ALPL: variants seen among roughly 807,000 people sequenced by gnomAD.
ALPL encodes alkaline phosphatase, tissue-nonspecific isozyme.
In ALPL, 42 loss-of-function variants were observed where a neutral mutation model predicts 51.3. The ratio of observed to expected loss-of-function variants is 0.82; its 90% CI spans 0.64 to 1.06. The LOEUF (loss-of-function observed/expected upper bound fraction) is 1.06, where lower values mean the gene tolerates loss of function less well. Ranked by LOEUF, ALPL falls within the 50% of genes least tolerant of loss-of-function variation. The pLI is 0.00. For synonymous variants in ALPL, 279 were observed against 296.4 expected (o/e 0.94, Z 0.60); for missense variants, 589 against 709.4 (o/e 0.83, Z 1.93).
chr1:21,565,247 T>C (rs1298167763), intron 6 of ALPL, among the ~76,000 whole-genome samples: 1 of 152,178 alleles, frequency 6.6e-6, no homozygotes. Flanking sequence ...GCATGGTGGA[T>C]TAAGTACCCG....
chr1:21,568,428 C>T (rs1644599492), intron 7 of ALPL, among the ~76,000 whole-genome samples, 181 bp downstream of exon 7: 1 of 152,102 alleles, frequency 6.6e-6, no homozygotes, highest in Non-Finnish European at 1.5e-5. Context: ...TCATTTCCTT[C>T]CCTTGGAGGG....
chr1:21,555,148 G>A (rs867781827), intron 2 of ALPL, among the ~76,000 whole-genome samples: 3 of 151,510 alleles, frequency 2.0e-5, no homozygotes, highest in South Asian at 2.1e-4. Flanking sequence ...GTTCTCTGGC[G>A]GGCAGGAGTG....
intron 7 of ALPL, among the ~76,000 whole-genome samples, chr1:21,569,850 G>A (rs1045329314): frequency 3.3e-5 from 5 of 152,184 alleles, no homozygotes; most frequent in Non-Finnish European, 7.4e-5. Flanking sequence ...CCCCAAAGCA[G>A]AGCTGGGGCT....
At chr1:21,546,864 G>C (rs1000607636) in intron 1 of ALPL, among the ~76,000 whole-genome samples, 1 of 152,366 alleles carries the variant, frequency 6.6e-6, no homozygotes, top group Non-Finnish European at 1.5e-5. Flanking sequence ...TTCTGAGCAT[G>C]GGTGCATCCC....
At chr1:21,550,128 AAAG>A (rs148628957) in intron 1 of ALPL, among the ~76,000 whole-genome samples, 42 of 152,306 alleles carry the variant, frequency 2.8e-4, no homozygotes, top group African/African-American at 1.0e-3. Context: ...GTGTAACTAT[AAAG>A]AACGCAAGAG....
At chr1:21,536,891 CTTTTTTTTTT>C (rs10534586) in intron 1 of ALPL, among the ~76,000 whole-genome samples, 2 of 79,364 alleles carry the variant, frequency 2.5e-5, no homozygotes, top group Non-Finnish European at 4.6e-5. Flanking sequence ...GGTTCCTTCC[CTTTTTTTTTT>C]TTTTTTTTTT....
At chr1:21,553,180 C>T (rs1355988395) in intron 1 of ALPL, among the ~76,000 whole-genome samples, 2 of 151,064 alleles carry the variant, frequency 1.3e-5, no homozygotes, top group Non-Finnish European at 2.9e-5. Flanking sequence ...TCTTCAATTA[C>T]ATCCGACTTT....
At chr1:21,532,888 A>G (rs1164214492) in intron 1 of ALPL, among the ~76,000 whole-genome samples, 5 of 152,152 alleles carry the variant, frequency 3.3e-5, no homozygotes, top group Non-Finnish European at 5.9e-5. Flanking sequence ...TGATTCTTCA[A>G]CTAATTGGCT....
rs368809478 is a variant in ALPL at position 21,575,838 on chromosome 1, C to T, written c.1103C>T (p.Ser368Leu). The change falls in exon 10 of 12, where the codon TCG becomes TTG. Residue 368 changes from serine to leucine, a missense_variant. Ser to Leu is a moderately radical substitution (Grantham distance 145). Transcript: ENST00000374840. ...GGGCAGGCAGGCAGCTTGACCTCCT[C>T]GGAAGACACTCTGACCGTGGTCACT... ...AIGQAGSLTS[S>L]EDTLTVVTAD... is the part of the protein sequence containing the mutation. The T allele has an allele frequency of 5.9e-5, 95 of 1,614,120 alleles. No individual in the cohort carries two copies. Among genetic ancestry groups the T allele is most frequent in the Non-Finnish European group, 7.6e-5 (90 of 1,180,052 alleles).
chr1:21,567,953 G>C lies in ALPL; in HGVS notation c.649-151G>C, dbSNP rs1362984338. On this transcript the variant is annotated intron_variant, in intron 6 of 11. Transcript: ENST00000374840. ...TCATCTCCCCACGCTGGACAAGTAA[G>C]GCCCAGAGATGACTGAGGCCTGGCT... is the stretch of plus-strand genomic sequence containing the variant. 6.1e-6 allele frequency: 6 copies of C among 984,248 alleles called. No individual in the cohort carries two copies. In the East Asian group the frequency reaches 1.5e-4, roughly 24 times the overall value. 61.0% of individuals were successfully genotyped at this position (984,248 alleles called of 1,614,324 possible). A position where few individuals can be genotyped will look rare whatever the true frequency, so the allele number is the denominator to read the frequency against.
intron 6 of ALPL, among the ~76,000 whole-genome samples, chr1:21,567,097 A>G (rs1441706821): frequency 2.8e-4 from 43 of 152,120 alleles, no homozygotes. Context: ...TGTGCATTCC[A>G]CAAAACCTAG....
intron 1 of ALPL, among the ~76,000 whole-genome samples, chr1:21,511,490 C>T (rs2148048745): frequency 6.6e-6 from 1 of 152,346 alleles, no homozygotes; most frequent in South Asian, 2.1e-4. Flanking sequence ...CAGCTCTCTT[C>T]TCAGCAGAAA....
chr1:21,541,962 C>T (rs185310966), intron 1 of ALPL, among the ~76,000 whole-genome samples: 2 of 152,338 alleles, frequency 1.3e-5, no homozygotes, highest in East Asian at 1.9e-4. Context: ...CACTGGCCCA[C>T]TGCCCTCTAG....
At position 21,578,055 on chromosome 1, in the gene ALPL, A is replaced by G; in HGVS notation, c.*407A>G. On this transcript the variant is annotated 3_prime_UTR_variant, in exon 12 of 12. Coordinates refer to ENST00000374840, the MANE Select transcript of ALPL (RefSeq NM_000478.6). The surrounding 1 kb of genome is among the most constrained non-coding windows in gnomAD (Gnocchi z 4.2). ...CTGACCCTCCCACTCCCATCTCCTT[A>G]CCTCTGGAACCCCCCAGGCCCTACA... 1 of 240,210 alleles carries G rather than the reference A, an allele frequency of 4.2e-6. No individual in the cohort carries two copies. 14.9% of individuals were successfully genotyped at this position (240,210 alleles called of 1,614,324 possible).
intron 1 of ALPL, among the ~76,000 whole-genome samples, chr1:21,546,777 T>G (rs918752740): frequency 6.6e-6 from 1 of 152,228 alleles, no homozygotes; most frequent in African/African-American, 2.4e-5. Context: ...TCTGTTTCTC[T>G]GCAAATGGGG....
intron 1 of ALPL, among the ~76,000 whole-genome samples, chr1:21,528,082 A>ACGTG (rs1379317100): frequency 6.9e-5 from 10 of 145,442 alleles, no homozygotes; most frequent in Non-Finnish European, 1.2e-4. Flanking sequence ...GTGTAGTGGC[A>ACGTG]CGATCACTGC....
In ALPL at chr1:21,564,310, C is replaced by A; in HGVS notation, c.648+94C>A. On this transcript the variant is annotated intron_variant, in intron 6 of 11. Transcript: ENST00000374840. This position sits in a 1 kb window ranked among gnomAD's most constrained non-coding sequence, Gnocchi z 5.8. ...GCCCAGGCTGGCCCGGAGAAAGCAG[C>A]CTGGCCTGGCTCCCCACACACCTGG... 1 of 1,495,554 alleles carries A rather than the reference C, an allele frequency of 6.7e-7. No homozygotes were observed. The highest frequency in any genetic ancestry group is 9.1e-7 in the Non-Finnish European group (1 of 1,095,602). 92.6% of individuals were successfully genotyped at this position (1,495,554 alleles called of 1,614,324 possible).
At chr1:21,568,767 G>A (rs572660051) in intron 7 of ALPL, among the ~76,000 whole-genome samples, 1 of 152,236 alleles carries the variant, frequency 6.6e-6, no homozygotes, top group East Asian at 1.9e-4. Flanking sequence ...GAGCGGAGAA[G>A]CCCTCCACAG....
intron 5 of ALPL, among the ~76,000 whole-genome samples, chr1:21,563,642 T>G (rs1318211251): frequency 6.6e-6 from 1 of 152,164 alleles, no homozygotes; most frequent in Non-Finnish European, 1.5e-5. Context: ...CTCCTCAGAA[T>G]TGGGAGGCCC....
Sources: allele counts gnomAD v4.1 joint callset (sites outside exome capture counted in the v4.1 genomes callset), GRCh38; gene constraint gnomAD v4.1.1; non-coding constraint Gnocchi (gnomAD v3.1); transcripts MANE v1.5; gene names NCBI Gene and HGNC (gene_info 2026-07-23, HGNC 2026-07-21).